CLEC6A: variants seen among roughly 807,000 people sequenced by gnomAD.
The protein encoded by CLEC6A is C-type lectin domain containing 6A, also known as C-type lectin domain family 6 member A.
Under a neutral mutation model 25.7 loss-of-function variants are expected in CLEC6A, and 22 were observed. The ratio of observed to expected loss-of-function variants is 0.85; its 90% CI spans 0.61 to 1.22. The LOEUF (loss-of-function observed/expected upper bound fraction) is 1.22, where lower values mean the gene tolerates loss of function less well. CLEC6A is among the 50% of genes most tolerant of loss of function. CLEC6A has a pLI of 0.00. For missense variants in CLEC6A, 240 were observed against 236.8 expected (o/e 1.01, Z -0.09); for synonymous variants, 92 against 76.7 (o/e 1.20, Z -1.04).
At position 8,477,423 on chromosome 12, in the gene CLEC6A, A is replaced by G; in HGVS notation, c.589A>G (p.Arg197Gly). The G allele has an allele frequency of 6.2e-7, 1 of 1,611,188 alleles. No individual in the cohort carries two copies. Among genetic ancestry groups the G allele is most frequent in the African/African-American group, 1.3e-5 (1 of 74,864 alleles). Residue 197 changes from arginine (R) to glycine (G), a missense_variant, in exon 6 of 6, where the codon AGA becomes GGA. By Grantham distance (125) the Arg-to-Gly change is moderately radical. Transcript: ENST00000382073. ...CTGGAATGATGTTATCTGTGAAACT[A>G]GAAGGAATTCAATATGTGAGATGAA... is the stretch of plus-strand genomic sequence containing the variant. Reference protein sequence around the residue: ...WGWNDVICETRRNSICEMNKI... With the variant: ...WGWNDVICETGRNSICEMNKI...
intron 3 of CLEC6A, among the ~76,000 whole-genome samples, chr12:8,464,248 GA>G (rs1051861667): frequency 6.6e-6 from 1 of 151,740 alleles, no homozygotes; most frequent in African/African-American, 2.4e-5. Flanking sequence ...TAATAACATG[GA>G]TGAATATTAG....
chr12:8,463,858 C>A (rs1939795762), intron 3 of CLEC6A, among the ~76,000 whole-genome samples: 1 of 148,602 alleles, frequency 6.7e-6, no homozygotes, highest in African/African-American at 2.6e-5. Context: ...GTTAGCATAC[C>A]CTTTTGACAG....
chr12:8,468,720 T>C (rs1358711057), intron 4 of CLEC6A, among the ~76,000 whole-genome samples: 1 of 152,182 alleles, frequency 6.6e-6, no homozygotes, highest in Non-Finnish European at 1.5e-5. Context: ...AGAAAAACCA[T>C]TTGACAAAAT....
At chr12:8,462,579 T>A (rs1033263556) in intron 3 of CLEC6A, among the ~76,000 whole-genome samples, 3 of 141,164 alleles carry the variant, frequency 2.1e-5, no homozygotes, top group African/African-American at 7.8e-5. Context: ...TTTATGTGTA[T>A]GCATATCTAA....
chr12:8,477,721 CT>C lies in CLEC6A; in HGVS notation c.*259del. On this transcript the variant is annotated 3_prime_UTR_variant, in exon 6 of 6. Transcript: ENST00000382073. ...TCACTTGTTATTCATTTTTTTCTTTCTTCACACTTCATTACACAAATATTTA... is the reference window on the plus strand; with the variant it reads ...TCACTTGTTATTCATTTTTTTCTTTCTCACACTTCATTACACAAATATTTA... 3.6e-6 allele frequency: 1 copy of C among 276,894 alleles called. No homozygotes were observed. The allele number at this position is 276,894 out of a possible 1,614,324, so 17.2% of individuals were successfully genotyped here.
At chr12:8,458,029 C>T (rs770124255) in intron 2 of CLEC6A, 42 bp downstream of exon 2, 19 of 1,370,098 alleles carry the variant, frequency 1.4e-5, no homozygotes, top group Non-Finnish European at 2.0e-5. Context: ...CTTCCTTTCC[C>T]TTGAATATTC....
In CLEC6A at chr12:8,478,041, A is replaced by C. The variant is rs1940002522; in HGVS notation, c.*577A>C. The C allele has an allele frequency of 6.6e-6, 1 of 152,064 alleles. No homozygotes were observed. The highest frequency in any genetic ancestry group is 2.1e-4 in the South Asian group (1 of 4,830). The allele number at this position is 152,064 out of a possible 1,614,324, so 9.4% of individuals were successfully genotyped here. ...GTTGATTCAATCAAGTTTGGCAAGC[A>C]GGGTGTTCGATACTGCTATATCCTG... On this transcript the variant is annotated 3_prime_UTR_variant, in exon 6 of 6. Coordinates refer to ENST00000382073, the MANE Select transcript of CLEC6A (RefSeq NM_001007033.2).
intron 3 of CLEC6A, chr12:8,461,264 T>C (rs1939750047): frequency 1.6e-6 from 1 of 612,818 alleles, no homozygotes; most frequent in Non-Finnish European, 2.9e-6. Flanking sequence ...TCATACCTAA[T>C]AAGCAATTTA....
At chr12:8,464,933 T>C (rs1939810737) in intron 3 of CLEC6A, among the ~76,000 whole-genome samples, 1 of 152,216 alleles carries the variant, frequency 6.6e-6, no homozygotes, top group Non-Finnish European at 1.5e-5. Context: ...ACATTTTATG[T>C]GATTAAGTCC....
At chr12:8,472,994 C>CTT (rs746059514) in intron 4 of CLEC6A, among the ~76,000 whole-genome samples, 604 of 3,582 alleles carry the variant, frequency 0.17, 275 homozygotes, top group South Asian at 1. Flanking sequence ...GCTCCTACTT[C>CTT]TTTTTTTTTT....
At chr12:8,460,430 C>G (rs1939736986) in intron 3 of CLEC6A, among the ~76,000 whole-genome samples, 1 of 152,126 alleles carries the variant, frequency 6.6e-6, no homozygotes, top group South Asian at 2.1e-4. Flanking sequence ...ACCGGGAGAA[C>G]AGTAAGGGGG....
intron 4 of CLEC6A, among the ~76,000 whole-genome samples, chr12:8,466,581 TA>T (rs1261642317): frequency 6.6e-6 from 1 of 152,200 alleles, no homozygotes; most frequent in Non-Finnish European, 1.5e-5. Context: ...GTGACAATCC[TA>T]ATGGATGTGA....
At chr12:8,472,560 T>C (rs1939920145) in intron 4 of CLEC6A, among the ~76,000 whole-genome samples, 1 of 152,188 alleles carries the variant, frequency 6.6e-6, no homozygotes, top group Admixed American at 6.6e-5. Context: ...GCAAACTTTC[T>C]TACCTGCTTC....
At chr12:8,474,411 T>C (rs1201862572) in intron 4 of CLEC6A, among the ~76,000 whole-genome samples, 1 of 152,226 alleles carries the variant, frequency 6.6e-6, no homozygotes, top group Non-Finnish European at 1.5e-5. Flanking sequence ...GATTCTCTAT[T>C]TTGTCCCATT....
intron 4 of CLEC6A, among the ~76,000 whole-genome samples, chr12:8,473,693 G>A (rs1052761567): frequency 2.6e-5 from 4 of 152,206 alleles, no homozygotes; most frequent in East Asian, 1.9e-4. Context: ...ATTCCCACCA[G>A]CAATGTATGT....
chr12:8,470,815 G>T (rs779171997), intron 4 of CLEC6A, among the ~76,000 whole-genome samples: 1 of 151,988 alleles, frequency 6.6e-6, no homozygotes, highest in East Asian at 1.9e-4. Flanking sequence ...CTTAGGTATG[G>T]GTGCACCAAA....
intron 4 of CLEC6A, among the ~76,000 whole-genome samples, chr12:8,468,051 C>T (rs185340360): frequency 6.6e-6 from 1 of 152,146 alleles, no homozygotes; most frequent in Non-Finnish European, 1.5e-5. Flanking sequence ...AAATGATTCT[C>T]CAGCCTCAGC....
intron 5 of CLEC6A, 55 bp downstream of exon 5, chr12:8,476,295 G>A: frequency 1.0e-6 from 1 of 970,430 alleles, no homozygotes; most frequent in Non-Finnish European, 1.6e-6. Flanking sequence ...AATTTTGTTA[G>A]GAGTTACTAA....
intron 3 of CLEC6A, chr12:8,460,657 AAGC>A: frequency 2.7e-6 from 4 of 1,489,322 alleles, no homozygotes; most frequent in Non-Finnish European, 3.7e-6. Flanking sequence ...ATGGAGAAAG[AAGC>A]AGTCTGATGT....
Sources: gnomAD v4.1 joint callset for allele counts (sites outside exome capture counted in the v4.1 genomes callset) on GRCh38, gnomAD v4.1.1 for gene constraint, MANE v1.5 for transcripts, NCBI Gene and HGNC (gene_info 2026-07-23, HGNC 2026-07-21) for gene names.